Variants in STAC observed in about 807,000 individuals in gnomAD.
STAC encodes the protein SH3 and cysteine rich domain, also known as SH3 and cysteine-rich domain-containing protein.
STAC carries 43 observed loss-of-function variants against 48.8 expected under a neutral mutation model. The observed-to-expected ratio is 0.88, with a 90% CI of 0.69 to 1.14. STAC has a LOEUF of 1.14. Among genes scored for constraint, STAC ranks in the 50% most tolerant of loss-of-function variants. The pLI, the probability that STAC is intolerant of heterozygous loss-of-function variation, is 0.00. For missense variants in STAC, 497 were observed against 504.0 expected (o/e 0.99, Z 0.13); for synonymous variants, 193 against 179.5 (o/e 1.07, Z -0.60).
At chr3:36,529,587 C>T (rs1043808075) in intron 10 of STAC, among the ~76,000 whole-genome samples, 4 of 152,162 alleles carry the variant, frequency 2.6e-5, no homozygotes, top group Non-Finnish European at 5.9e-5. Context: ...CTCTTTGATG[C>T]TGTCAATTTT....
intron 1 of STAC, among the ~76,000 whole-genome samples, chr3:36,415,426 T>C (rs1220397342): frequency 6.6e-6 from 1 of 152,200 alleles, no homozygotes; most frequent in African/African-American, 2.4e-5. Flanking sequence ...ACTGCTGTGC[T>C]AGCAATGAGC....
intron 2 of STAC, among the ~76,000 whole-genome samples, chr3:36,465,131 T>A (rs1202937321): frequency 1.3e-5 from 2 of 152,224 alleles, no homozygotes; most frequent in Non-Finnish European, 2.9e-5. Flanking sequence ...ATCTATTTTT[T>A]AAATGTTTTT....
chr3:36,448,905 C>G (rs893748937), intron 2 of STAC, among the ~76,000 whole-genome samples: 1 of 19,598 alleles, frequency 5.1e-5, no homozygotes, highest in African/African-American at 1.6e-4. Flanking sequence ...CAGTGAACCC[C>G]CCCCCCCACT....
At chr3:36,472,542 C>G (rs1299572965) in intron 2 of STAC, among the ~76,000 whole-genome samples, 1 of 152,224 alleles carries the variant, frequency 6.6e-6, no homozygotes, top group Admixed American at 6.5e-5. Context: ...AAACTGAATG[C>G]TTTTAACAGC....
intron 5 of STAC, among the ~76,000 whole-genome samples, chr3:36,487,320 G>A (rs1288010409): frequency 6.6e-6 from 1 of 152,218 alleles, no homozygotes; most frequent in Non-Finnish European, 1.5e-5. Context: ...AAGTAGGTAG[G>A]ATTATAGGTC....
intron 2 of STAC, among the ~76,000 whole-genome samples, chr3:36,445,965 G>A (rs917081328): frequency 3.3e-5 from 5 of 152,156 alleles, no homozygotes; most frequent in Non-Finnish European, 5.9e-5. Flanking sequence ...CAACACCTGT[G>A]CCTTGAAGAT....
rs560453548 is a variant in STAC, at chr3:36,547,535, A to G, written c.*1246A>G. 6.5e-6 allele frequency: 1 copy of G among 152,728 alleles called. No individual in the cohort carries two copies. Among genetic ancestry groups the G allele is most frequent in the Admixed American group, 6.5e-5 (1 of 15,294 alleles). 9.5% of individuals were successfully genotyped at this position (152,728 alleles called of 1,614,324 possible). On this transcript the variant is annotated 3_prime_UTR_variant, in exon 11 of 11. Coordinates refer to ENST00000273183, the MANE Select transcript of STAC (RefSeq NM_003149.3). ...CTCCTAGCATTCAAACTTCCATCCT[A>G]TTAGTCATTAACATGGTTAAACTTC...
intron 1 of STAC, among the ~76,000 whole-genome samples, chr3:36,397,851 T>C (rs2125622578): frequency 1.3e-5 from 2 of 152,248 alleles, no homozygotes; most frequent in Middle Eastern, 6.8e-3. Flanking sequence ...TGGTTAGGAT[T>C]ATTTTGGCAA....
At chr3:36,473,156 A>G (rs1261736321) in intron 2 of STAC, among the ~76,000 whole-genome samples, 2 of 152,224 alleles carry the variant, frequency 1.3e-5, no homozygotes, top group African/African-American at 4.8e-5. Flanking sequence ...TAAACCCATC[A>G]GATCTCATGA....
intron 8 of STAC, among the ~76,000 whole-genome samples, chr3:36,521,484 G>T (rs1698804024): frequency 6.6e-6 from 1 of 152,136 alleles, no homozygotes; most frequent in South Asian, 2.1e-4. Flanking sequence ...CTGGGTAATA[G>T]AATACTAGGT....
chr3:36,536,525 G>A (rs1307992657), intron 10 of STAC, among the ~76,000 whole-genome samples: 1 of 152,104 alleles, frequency 6.6e-6, no homozygotes, highest in African/African-American at 2.4e-5. Context: ...AATGGTGCTT[G>A]GGAAGTGGGC....
rs1420912967 is a variant in STAC, at chr3:36,442,185, C to A, written c.112-1179C>A. Among the ~76,000 whole-genome samples, 5 of 152,228 alleles carry A rather than the reference C, an allele frequency of 3.3e-5. No homozygotes were observed. The East Asian group carries it at 9.6e-4, about 29-fold the overall frequency. On this transcript the variant is annotated intron_variant, in intron 1 of 10. Transcript: ENST00000273183. ...GCAGTTCTAGAAACTAAAACGATCA[C>A]TTTCTTTCAAGACCAAGAGTTTATG...
At chr3:36,427,723 A>G (rs181038662) in intron 1 of STAC, among the ~76,000 whole-genome samples, 349 of 152,348 alleles carry the variant, frequency 2.3e-3, no homozygotes, top group Non-Finnish European at 4.2e-3. Flanking sequence ...AGAGCAGTGA[A>G]AATTCCCTAC....
At chr3:36,414,161 T>G (rs1040291018) in intron 1 of STAC, among the ~76,000 whole-genome samples, 33 of 152,164 alleles carry the variant, frequency 2.2e-4, no homozygotes, top group African/African-American at 5.5e-4. Flanking sequence ...TCTTGGAGTT[T>G]CTCTTCTCAA....
Position 36,413,430 on chromosome 3 carries a change from G to A in STAC, c.112-29934G>A, listed in dbSNP as rs1190206026. ...ATTGATCCCTTTACCATTATGTAAT[G>A]GCCTTCTTTGTCTCTTTTGATCTTT... On this transcript the variant is annotated intron_variant, in intron 1 of 10. Transcript: ENST00000273183. 3.3e-5 allele frequency among the ~76,000 whole-genome samples: 5 copies of A among 152,266 alleles called. No homozygotes were observed. In the East Asian group the frequency reaches 9.6e-4, roughly 29 times the overall value.
At chr3:36,454,172 T>A (rs1488696305) in intron 2 of STAC, among the ~76,000 whole-genome samples, 1 of 152,112 alleles carries the variant, frequency 6.6e-6, no homozygotes, top group African/African-American at 2.4e-5. Context: ...CTGTGGAAGC[T>A]TTGTTCTTTC....
At chr3:36,418,783 C>T (rs1055412008) in intron 1 of STAC, among the ~76,000 whole-genome samples, 7 of 152,026 alleles carry the variant, frequency 4.6e-5, no homozygotes, top group East Asian at 1.9e-4. Flanking sequence ...TGTGGTGGCT[C>T]ACGCCTGTAA....
intron 2 of STAC, among the ~76,000 whole-genome samples, chr3:36,448,496 C>T (rs1696583873): frequency 6.6e-6 from 1 of 152,118 alleles, no homozygotes; most frequent in Non-Finnish European, 1.5e-5. Flanking sequence ...GCTTGAATTA[C>T]AGGCATGAGC....
chr3:36,525,658 A>T (rs1009299764), intron 8 of STAC, among the ~76,000 whole-genome samples: 1 of 152,182 alleles, frequency 6.6e-6, no homozygotes, highest in African/African-American at 2.4e-5. Flanking sequence ...TTCTTAGGTT[A>T]CTGGTTTAAA....
Sources: gnomAD v4.1 joint callset for allele counts (sites outside exome capture counted in the v4.1 genomes callset) on GRCh38, gnomAD v4.1.1 for gene constraint, MANE v1.5 for transcripts, NCBI Gene and HGNC (gene_info 2026-07-23, HGNC 2026-07-21) for gene names.